The following COX4I1 variants were observed in gnomAD, a reference collection of about 807,000 sequenced individuals.
COX4I1 encodes the protein cytochrome c oxidase subunit 4I1, also known as cytochrome c oxidase subunit 4 isoform 1, mitochondrial.
A neutral mutation model predicts 21.7 loss-of-function variants in COX4I1; 18 were observed. The ratio of observed to expected loss-of-function variants is 0.83; its 90% confidence interval spans 0.57 to 1.23. The LOEUF (loss-of-function observed/expected upper bound fraction) is 1.23. Among genes scored for constraint, COX4I1 ranks in the 50% most tolerant of loss-of-function variants. The pLI is 0.00. For synonymous variants in COX4I1, 100 were observed against 81.5 expected, an observed-to-expected ratio of 1.23 and a Z score of -1.23; for missense variants, 238 against 220.7, an observed-to-expected ratio of 1.08 and a Z score of -0.50.
intron 1 of COX4I1, among the ~76,000 whole-genome samples, chr16:85,800,629 C>CT (rs1425882436): frequency 3.3e-5 from 5 of 152,042 alleles, no homozygotes; most frequent in East Asian, 1.9e-4. Context: ...TTCTTCTTGC[C>CT]TTTTTTTGTT....
intron 1 of COX4I1, 111 bp from the exon 2 acceptor site, chr16:85,801,094 C>T (rs958481174): frequency 5.2e-6 from 4 of 768,402 alleles, no homozygotes; most frequent in Non-Finnish European, 6.7e-6. Flanking sequence ...GGATCATTTG[C>T]GTTGGGGAGA....
Position 85,800,814 on chromosome 16 carries a change from G to C in COX4I1, c.-1-391G>C, listed in dbSNP as rs191698212. On this transcript the variant is annotated intron_variant, in intron 1 of 4. Transcript: ENST00000253452. ...AATTTTTGTATTGTTAGTAGAGACGGGATTTCACCATGTTGGCCAGGCTGG... is the reference window on the plus strand; with the variant it reads ...AATTTTTGTATTGTTAGTAGAGACGCGATTTCACCATGTTGGCCAGGCTGG... Among the ~76,000 whole-genome samples, 246 of 152,208 alleles carry C rather than the reference G, an allele frequency of 1.6e-3. 2 individuals are homozygous for C. The highest frequency in any genetic ancestry group is 5.4e-3 in the African/African-American group (226 of 41,522).
chr16:85,804,328 G>GCC (rs1470867964), intron 2 of COX4I1: 1 of 152,298 alleles, frequency 6.6e-6, no homozygotes, highest in Non-Finnish European at 1.5e-5. Context: ...GAGGGCCTTG[G>GCC]CCCACGTCTG....
At chr16:85,804,069 G>C (rs557317448) in intron 2 of COX4I1, 5 of 152,174 alleles carry the variant, frequency 3.3e-5, no homozygotes, top group Non-Finnish European at 5.9e-5. Context: ...GCCTGTAGAG[G>C]GTGCTTGGTA....
intron 3 of COX4I1, 58 bp downstream of exon 3, chr16:85,805,162 C>G (rs1412219533): frequency 6.5e-7 from 1 of 1,531,356 alleles, no homozygotes; most frequent in Non-Finnish European, 8.8e-7. Flanking sequence ...GTGTGTGTGA[C>G]AGAGCCTCTG....
intron 2 of COX4I1, chr16:85,803,257 AT>A (rs1229312726): frequency 6.6e-6 from 1 of 152,202 alleles, no homozygotes; most frequent in Non-Finnish European, 1.5e-5. Context: ...GGCCATTTCC[AT>A]CTCCTGTCCC....
chr16:85,803,284 G>A (rs1357664705), intron 2 of COX4I1: 1 of 152,184 alleles, frequency 6.6e-6, no homozygotes, highest in Non-Finnish European at 1.5e-5. Context: ...TCCCAGCTCA[G>A]TTTTGGGATG....
Position 85,805,242 on chromosome 16 carries a change from C to T in COX4I1, c.241+138C>T, listed in dbSNP as rs1906099391. 5 of 840,664 alleles carry T rather than the reference C, an allele frequency of 5.9e-6. No homozygotes were observed. In the East Asian group the frequency reaches 1.1e-4, roughly 18 times the overall value. The allele number at this position is 840,664 out of a possible 1,614,324, so 52.1% of individuals were successfully genotyped here. On this transcript the variant is annotated intron_variant, in intron 3 of 4. Transcript: ENST00000253452. ...GTTGCTCTGCTGGGTTTCGGGGTCA[C>T]TGTGCCAGGGCCCCAGTTTATGTGC... is the stretch of plus-strand genomic sequence containing the variant.
At chr16:85,803,126 T>G (rs982917174) in intron 2 of COX4I1, 6 of 152,222 alleles carry the variant, frequency 3.9e-5, no homozygotes, top group African/African-American at 1.4e-4. Flanking sequence ...GCTGAGTGTT[T>G]TAAACTTTAG....
At chr16:85,800,951 G>C (rs533050615) in intron 1 of COX4I1, among the ~76,000 whole-genome samples, 4 of 152,260 alleles carry the variant, frequency 2.6e-5, no homozygotes, top group African/African-American at 7.2e-5. Context: ...AAAGACCAAT[G>C]TTCTGTTAAT....
At chr16:85,806,029 G>A in intron 4 of COX4I1, 165 bp downstream of exon 4, 1 of 938,904 alleles carries the variant, frequency 1.1e-6, no homozygotes, top group Non-Finnish European at 1.6e-6. Flanking sequence ...CTGGAGAACT[G>A]AAGTCGTGGG....
intron 3 of COX4I1, 165 bp downstream of exon 3, chr16:85,805,269 C>A: frequency 1.5e-6 from 1 of 652,168 alleles, no homozygotes; most frequent in Non-Finnish European, 2.5e-6. Context: ...TTTATGTGCT[C>A]ACCAGTCACT....
intron 2 of COX4I1, among the ~76,000 whole-genome samples, chr16:85,801,872 A>G (rs914864523): frequency 1.3e-5 from 2 of 152,150 alleles, no homozygotes; most frequent in Non-Finnish European, 2.9e-5. Flanking sequence ...AAGAAAAAGA[A>G]TATGAAATAC....
At chr16:85,804,868 A>G in intron 2 of COX4I1, 69 bp from the exon 3 acceptor site, 1 of 1,445,630 alleles carries the variant, frequency 6.9e-7, no homozygotes. Flanking sequence ...TTCGGTTTTC[A>G]GAAGTATCAC....
At chr16:85,806,212 C>T in intron 4 of COX4I1, 1 of 588,890 alleles carries the variant, frequency 1.7e-6, no homozygotes, top group South Asian at 2.1e-5. Flanking sequence ...GGGACTCATT[C>T]ATTGAATGAC....
At chr16:85,805,905 G>C (rs1249824153) in intron 4 of COX4I1, 41 bp downstream of exon 4, 1 of 1,612,640 alleles carries the variant, frequency 6.2e-7, no homozygotes, top group South Asian at 1.1e-5. Context: ...CTGGACTGGG[G>C]CTCCAGCCTG....
At chr16:85,803,461 G>A (rs1316298463) in intron 2 of COX4I1, 2 of 152,248 alleles carry the variant, frequency 1.3e-5, no homozygotes, top group East Asian at 3.8e-4. Flanking sequence ...AAGCATTGTT[G>A]CGGGCATTGT....
At chr16:85,804,749 T>G (rs989616364) in intron 2 of COX4I1, 188 bp from the exon 3 acceptor site, 1 of 536,506 alleles carries the variant, frequency 1.9e-6, no homozygotes, top group Non-Finnish European at 3.2e-6. Context: ...TTGTTGGCTG[T>G]GATGAGAAGT....
chr16:85,805,058 G>A lies in COX4I1; in HGVS notation c.195G>A (p.Lys65=). The A allele has an allele frequency of 6.2e-7, 1 of 1,614,086 alleles. No homozygotes were observed. Residue 65 remains lysine, a synonymous_variant, in exon 3 of 5, where the codon AAG becomes AAA. Coordinates refer to ENST00000253452, the MANE Select transcript of COX4I1 (RefSeq NM_001861.6). The part of the protein sequence containing the change: ...LSASQKALKE[K]EKASWSSLSM... ...CCAGCCAGAAGGCATTGAAGGAGAA[G>A]GAGAAGGCCTCCTGGAGCAGCCTCT...
Sources: gnomAD v4.1 joint callset for allele counts (sites outside exome capture counted in the v4.1 genomes callset) on GRCh38, gnomAD v4.1.1 for gene constraint, MANE v1.5 for transcripts, NCBI Gene and HGNC (gene_info 2026-07-23, HGNC 2026-07-21) for gene names.